TAFA4: variants seen among roughly 807,000 people sequenced by gnomAD.
TAFA4 encodes chemokine-like protein TAFA-4.
Under a neutral mutation model 21.1 loss-of-function variants are expected in TAFA4, and 20 were observed. That is an observed-to-expected ratio of 0.95 (90% CI 0.67 to 1.38). The LOEUF (loss-of-function observed/expected upper bound fraction) is 1.38, where lower values mean the gene tolerates loss of function less well. Among genes scored for constraint, TAFA4 ranks in the 40% most tolerant of loss-of-function variants. TAFA4 has a pLI of 0.00. For missense variants in TAFA4, 211 were observed against 180.9 expected (o/e 1.17, Z -0.95); for synonymous variants, 71 against 67.4 (o/e 1.05, Z -0.26).
chr3:68,901,107 GC>G (rs2089840466), intron 1 of TAFA4, among the ~76,000 whole-genome samples: 1 of 152,106 alleles, frequency 6.6e-6, no homozygotes, highest in Admixed American at 6.5e-5. Context: ...GTATGAGGTG[GC>G]CAGCTTTTCC....
chr3:68,755,813 C>A (rs1006668476), intron 3 of TAFA4, among the ~76,000 whole-genome samples: 2 of 152,162 alleles, frequency 1.3e-5, no homozygotes, highest in African/African-American at 4.8e-5. Flanking sequence ...CCACATTAAA[C>A]CAGAGTTGGT....
chr3:68,732,786 T>C lies in TAFA4; in HGVS notation c.*356A>G. The C allele has an allele frequency of 4.1e-6, 1 of 242,546 alleles. No homozygotes were observed. Among genetic ancestry groups the C allele is most frequent in the Non-Finnish European group, 7.9e-6 (1 of 126,946 alleles). 15.0% of individuals were successfully genotyped at this position (242,546 alleles called of 1,614,324 possible). On this transcript the variant is annotated 3_prime_UTR_variant, in exon 6 of 6. Coordinates refer to ENST00000295569, the MANE Select transcript of TAFA4 (RefSeq NM_182522.5). ...AACAGAATGAGGACCCTTTGGAACA[T>C]ACATCCAAGTTCTTTTGTAAAAGCA...
Position 68,786,693 on chromosome 3 carries a change from T to C in TAFA4, c.131-33675A>G, listed in dbSNP as rs144832837. Among the ~76,000 whole-genome samples, 1,223 of 152,316 alleles carry C rather than the reference T, an allele frequency of 8.0e-3. 14 individuals are homozygous for C. Among genetic ancestry groups the C allele is most frequent in the Middle Eastern group, 0.02 (6 of 294 alleles). ...TCAGAAGGTAATTGTGAATACCAAA[T>C]GAGAAAATACAGATGCACGAAAGTG... is the stretch of plus-strand genomic sequence containing the variant. On this transcript the variant is annotated intron_variant, in intron 3 of 5. Coordinates refer to ENST00000295569, the MANE Select transcript of TAFA4 (RefSeq NM_182522.5).
chr3:68,773,059 C>A (rs1702988293), intron 3 of TAFA4, among the ~76,000 whole-genome samples: 1 of 152,192 alleles, frequency 6.6e-6, no homozygotes, highest in Non-Finnish European at 1.5e-5. Context: ...CCAGCTCAGT[C>A]ATTCTCAAAA....
Position 68,741,850 on chromosome 3 carries a change from A to C in TAFA4, c.287-2651T>G, listed in dbSNP as rs189728335. Among the ~76,000 whole-genome samples, 343 of 152,054 alleles carry C rather than the reference A, an allele frequency of 2.3e-3. 1 individual carries two copies. Among genetic ancestry groups the C allele is most frequent in the Non-Finnish European group, 3.9e-3 (262 of 68,028 alleles). ...ACTTTCTCTTCCAAAGAATCGAAGA[A>C]GAGAGAACACTTCCAAACTCATTTA... On this transcript the variant is annotated intron_variant, in intron 4 of 5. Transcript: ENST00000295569.
In TAFA4 at chr3:68,809,750, T is replaced by C. The variant is rs530659419; in HGVS notation, c.131-56732A>G. On this transcript the variant is annotated intron_variant, in intron 3 of 5. Transcript: ENST00000295569. Reference sequence around the variant, plus strand: ...TTTTGTACATGGTGTGAGACGAGAATCTAATTTCATCCTTCTGCATGTGGA... The same window carrying C: ...TTTTGTACATGGTGTGAGACGAGAACCTAATTTCATCCTTCTGCATGTGGA... Among the ~76,000 whole-genome samples, 16 of 152,294 alleles carry C rather than the reference T, an allele frequency of 1.1e-4. No individual in the cohort carries two copies. The South Asian group carries it at 2.1e-3, about 20-fold the overall frequency.
chr3:68,842,727 G>A lies in TAFA4; in HGVS notation c.130+38003C>T, dbSNP rs532702359. Reference sequence around the variant, plus strand: ...TCTTGAGTTAATTTTTGTGTAAAGTGTAAGGAAGGGGTCCAGTTTCAGTTT... The same window carrying A: ...TCTTGAGTTAATTTTTGTGTAAAGTATAAGGAAGGGGTCCAGTTTCAGTTT... On this transcript the variant is annotated intron_variant, in intron 3 of 5. Coordinates refer to ENST00000295569, the MANE Select transcript of TAFA4 (RefSeq NM_182522.5). Among the ~76,000 whole-genome samples the A allele has an allele frequency of 3.5e-4, 53 of 152,268 alleles. No homozygotes were observed. In the South Asian group the frequency reaches 0.011, roughly 30 times the overall value.
At chr3:68,779,831 A>G (rs1043706833) in intron 3 of TAFA4, among the ~76,000 whole-genome samples, 1 of 152,172 alleles carries the variant, frequency 6.6e-6, no homozygotes, top group African/African-American at 2.4e-5. Context: ...CTACTGGGGC[A>G]CCACCTAGTG....
intron 3 of TAFA4, among the ~76,000 whole-genome samples, chr3:68,775,059 A>G (rs1168009045): frequency 6.6e-6 from 1 of 152,206 alleles, no homozygotes; most frequent in Non-Finnish European, 1.5e-5. Flanking sequence ...AAAGGATGTG[A>G]GGATGTTAAC....
intron 3 of TAFA4, among the ~76,000 whole-genome samples, chr3:68,761,121 T>G (rs1311558640): frequency 6.6e-6 from 1 of 152,194 alleles, no homozygotes; most frequent in Non-Finnish European, 1.5e-5. Flanking sequence ...ACTTAGGTAA[T>G]TTGATTAAGC....
intron 3 of TAFA4, among the ~76,000 whole-genome samples, chr3:68,762,255 G>A (rs1181237850): frequency 6.6e-6 from 1 of 151,950 alleles, no homozygotes; most frequent in African/African-American, 2.4e-5. Flanking sequence ...GATTGGAATG[G>A]GTTGGAGAGA....
intron 3 of TAFA4, among the ~76,000 whole-genome samples, chr3:68,828,117 A>C (rs1704296008): frequency 6.6e-6 from 1 of 152,174 alleles, no homozygotes; most frequent in African/African-American, 2.4e-5. Flanking sequence ...TCACACCAGC[A>C]TTTATTAAAT....
chr3:68,760,347 A>G (rs1248243558), intron 3 of TAFA4, among the ~76,000 whole-genome samples: 1 of 152,196 alleles, frequency 6.6e-6, no homozygotes, highest in African/African-American at 2.4e-5. Flanking sequence ...GGGCTTTTCT[A>G]TTGTGAAAGG....
intron 3 of TAFA4, among the ~76,000 whole-genome samples, chr3:68,867,729 G>T (rs1406054952): frequency 2.0e-5 from 3 of 151,990 alleles, no homozygotes; most frequent in Admixed American, 1.3e-4. Context: ...TTTTTCATTT[G>T]TTTGTTTCTT....
At chr3:68,860,940 G>T (rs1298307515) in intron 3 of TAFA4, among the ~76,000 whole-genome samples, 1 of 151,542 alleles carries the variant, frequency 6.6e-6, no homozygotes, top group Non-Finnish European at 1.5e-5. Flanking sequence ...TCCTTTCAAA[G>T]AAGAAATCTC....
At chr3:68,864,954 G>C (rs2089397309) in intron 3 of TAFA4, among the ~76,000 whole-genome samples, 1 of 152,074 alleles carries the variant, frequency 6.6e-6, no homozygotes, top group African/African-American at 2.4e-5. Context: ...GCCTAGGGAT[G>C]GTGGGAAGGA....
intron 3 of TAFA4, among the ~76,000 whole-genome samples, chr3:68,782,223 T>C (rs1344128764): frequency 6.6e-6 from 1 of 152,122 alleles, no homozygotes; most frequent in Non-Finnish European, 1.5e-5. Context: ...AGATACCAAA[T>C]GGTCGAGAAG....
At chr3:68,817,886 C>A (rs1483490741) in intron 3 of TAFA4, among the ~76,000 whole-genome samples, 3 of 152,058 alleles carry the variant, frequency 2.0e-5, no homozygotes, top group Non-Finnish European at 4.4e-5. Flanking sequence ...ACTCTGAGGG[C>A]CCTAGGATTT....
In TAFA4 at chr3:68,731,838, TCTTTCCATTC is replaced by T. The variant is rs1003792715; in HGVS notation, c.*1294_*1303del. 15 of 151,792 alleles carry T rather than the reference TCTTTCCATTC, an allele frequency of 9.9e-5. No homozygotes were observed. Among genetic ancestry groups the T allele is most frequent in the East Asian group, 1.9e-4 (1 of 5,138 alleles). 9.4% of individuals were successfully genotyped at this position (151,792 alleles called of 1,614,324 possible). A position where few individuals can be genotyped will look rare whatever the true frequency, so the allele number is the denominator to read the frequency against. On this transcript the variant is annotated 3_prime_UTR_variant, in exon 6 of 6. Coordinates refer to ENST00000295569, the MANE Select transcript of TAFA4 (RefSeq NM_182522.5). ...AATATTCAAAAATTACGCCAACAAA[TCTTTCCATTC>T]CTTTCCATTCCCTCTGCAAGAATAA...
Sources: gnomAD v4.1 joint callset for allele counts (sites outside exome capture counted in the v4.1 genomes callset) on GRCh38, gnomAD v4.1.1 for gene constraint, MANE v1.5 for transcripts, NCBI Gene and HGNC (gene_info 2026-07-23, HGNC 2026-07-21) for gene names.